The following GABRA3 variants were observed in gnomAD, a reference collection of about 807,000 sequenced individuals.
The protein encoded by GABRA3 is gamma-aminobutyric acid receptor subunit alpha-3.
GABRA3 carries 10 observed loss-of-function variants against 30.1 expected under a neutral mutation model. The ratio of observed to expected loss-of-function variants is 0.33; its 90% CI spans 0.20 to 0.56. GABRA3 has a LOEUF of 0.56. Among genes scored for constraint, GABRA3 ranks in the 20% least tolerant of loss-of-function variants. The pLI is 0.89. For missense variants in GABRA3, 233 were observed against 392.0 expected (o/e 0.59, Z 3.42); for synonymous variants, 151 against 146.8 (o/e 1.03, Z -0.21).
intron 1 of GABRA3, among the ~76,000 whole-genome samples, chrX:152,431,599 A>T (rs1294957759): frequency 8.9e-6 from 1 of 112,243 alleles, no homozygotes; most frequent in Non-Finnish European, 1.9e-5. Context: ...ACAAAAAGTG[A>T]TTAAATAGCA....
At chrX:152,186,060 T>A (rs762769097) in intron 9 of GABRA3, among the ~76,000 whole-genome samples, 22 of 111,404 alleles carry the variant, frequency 2.0e-4, no homozygotes, top group Non-Finnish European at 3.6e-4. Context: ...GCTTATAAAT[T>A]TGAGTCTTCT....
chrX:152,273,442 T>C (rs1000047952), intron 4 of GABRA3, among the ~76,000 whole-genome samples: 4 of 112,292 alleles, frequency 3.6e-5, no homozygotes, highest in Non-Finnish European at 5.6e-5. Context: ...ACTGGGTACA[T>C]ATCAAAAAGA....
At chrX:152,388,579 T>G (rs1160821890) in intron 1 of GABRA3, among the ~76,000 whole-genome samples, 1 of 112,157 alleles carries the variant, frequency 8.9e-6, no homozygotes, top group African/African-American at 3.2e-5. Context: ...GAATACTAAA[T>G]TTGCAATGGT....
intron 2 of GABRA3, among the ~76,000 whole-genome samples, chrX:152,351,323 C>T (rs1407741390): frequency 8.9e-6 from 1 of 112,111 alleles, no homozygotes; most frequent in Non-Finnish European, 1.9e-5. Flanking sequence ...ATGTAGCCAC[C>T]TTTATCAATT....
intron 1 of GABRA3, among the ~76,000 whole-genome samples, chrX:152,405,401 C>A (rs997276980): frequency 2.7e-5 from 3 of 109,401 alleles, no homozygotes; most frequent in South Asian, 4.0e-4. Flanking sequence ...AAGTGACTGT[C>A]AGGGCACAAA....
intron 4 of GABRA3, among the ~76,000 whole-genome samples, chrX:152,267,563 G>T (rs1308054981): frequency 9.0e-6 from 1 of 111,172 alleles, no homozygotes; most frequent in Non-Finnish European, 1.9e-5. Flanking sequence ...TTAAGTTTTT[G>T]AAGAGTTTGA....
chrX:152,386,517 A>C (rs1426426715), intron 1 of GABRA3, among the ~76,000 whole-genome samples: 2 of 110,498 alleles, frequency 1.8e-5, no homozygotes, highest in African/African-American at 6.6e-5. Flanking sequence ...AAAAGAAGAC[A>C]TTTATGCAGC....
chrX:152,402,567 A>G (rs1482346667), intron 1 of GABRA3, among the ~76,000 whole-genome samples: 1 of 111,721 alleles, frequency 9.0e-6, no homozygotes, highest in Non-Finnish European at 1.9e-5. Context: ...ATGTCAACTG[A>G]GAATGAAGCA....
chrX:152,215,424 C>T (rs1449231666), intron 6 of GABRA3, among the ~76,000 whole-genome samples: 1 of 110,545 alleles, frequency 9.0e-6, no homozygotes. Flanking sequence ...TGTTTTTTGT[C>T]CTTCATTTTG....
intron 3 of GABRA3, among the ~76,000 whole-genome samples, chrX:152,339,491 T>A (rs1299209916): frequency 8.9e-6 from 1 of 111,817 alleles, no homozygotes; most frequent in South Asian, 3.7e-4. Context: ...AGTGCTGGGA[T>A]CACAGACGTG....
chrX:152,195,557 AATCT>A (rs1937374638), intron 8 of GABRA3, among the ~76,000 whole-genome samples: 1 of 111,887 alleles, frequency 8.9e-6, no homozygotes, highest in African/African-American at 3.3e-5. Context: ...CTAAAGGAAT[AATCT>A]ATTACCTTTT....
At chrX:152,215,301 CAT>C (rs1187043650) in intron 6 of GABRA3, among the ~76,000 whole-genome samples, 1 of 109,812 alleles carries the variant, frequency 9.1e-6, no homozygotes, top group Non-Finnish European at 1.9e-5. Flanking sequence ...GTAGGTTTGT[CAT>C]ATATGGCCTT....
At chrX:152,353,360 C>A (rs896838893) in intron 2 of GABRA3, among the ~76,000 whole-genome samples, 1 of 111,727 alleles carries the variant, frequency 9.0e-6, no homozygotes, top group Non-Finnish European at 1.9e-5. Flanking sequence ...GCAGACATAT[C>A]GCAATTTAAA....
At chrX:152,259,648 T>C (rs904223698) in intron 4 of GABRA3, among the ~76,000 whole-genome samples, 3 of 110,711 alleles carry the variant, frequency 2.7e-5, no homozygotes, top group African/African-American at 9.9e-5. Context: ...AGGAAACCCA[T>C]TGCCTTGAAA....
intron 3 of GABRA3, among the ~76,000 whole-genome samples, chrX:152,293,921 A>C (rs914513458): frequency 2.1e-4 from 23 of 111,732 alleles, no homozygotes; most frequent in African/African-American, 7.2e-4. Flanking sequence ...TCTGGGTTGA[A>C]AATTCTTTTC....
chrX:152,305,418 TG>T (rs1939705954), intron 3 of GABRA3, among the ~76,000 whole-genome samples: 1 of 105,905 alleles, frequency 9.4e-6, no homozygotes, highest in African/African-American at 3.5e-5. Context: ...GAATCTAAAA[TG>T]TAAAAAAAAA....
chrX:152,218,271 A>C (rs781667782), intron 6 of GABRA3, among the ~76,000 whole-genome samples: 1 of 110,383 alleles, frequency 9.1e-6, no homozygotes, highest in Admixed American at 9.7e-5. Context: ...CATATTTGTA[A>C]ATTTTGCGAA....
chrX:152,422,414 C>T (rs1930396825), intron 1 of GABRA3, among the ~76,000 whole-genome samples: 1 of 110,168 alleles, frequency 9.1e-6, no homozygotes, highest in Non-Finnish European at 1.9e-5. Context: ...TGGACAATGG[C>T]CAAGAAAGAC....
intron 1 of GABRA3, among the ~76,000 whole-genome samples, chrX:152,425,859 C>A (rs1930502842): frequency 9.1e-6 from 1 of 110,025 alleles, no homozygotes; most frequent in African/African-American, 3.3e-5. Context: ...TGTGTAGGCC[C>A]AGAAAACTCT....
Sources: allele counts gnomAD v4.1 joint callset (sites outside exome capture counted in the v4.1 genomes callset), GRCh38; gene constraint gnomAD v4.1.1; transcripts MANE v1.5; gene names NCBI Gene and HGNC (gene_info 2026-07-23, HGNC 2026-07-21).